GZF1: variants seen among roughly 807,000 people sequenced by gnomAD.
GZF1 encodes GDNF inducible zinc finger protein 1, also known as GDNF-inducible zinc finger protein 1.
GZF1 carries 28 observed loss-of-function variants against 49.4 expected under a neutral mutation model. The ratio of observed to expected loss-of-function variants is 0.57; its 90% confidence interval spans 0.42 to 0.78. The LOEUF (loss-of-function observed/expected upper bound fraction) is 0.78, where lower values mean the gene tolerates loss of function less well. Among genes scored for constraint, GZF1 ranks in the 30% least tolerant of loss-of-function variants. The probability of loss-of-function intolerance (pLI) is 0.00; values close to 1 mark genes in which losing one functional copy is unlikely to be tolerated. For synonymous variants in GZF1, 364 were observed against 356.0 expected, an observed-to-expected ratio of 1.02 and a Z score of -0.25; for missense variants, 798 against 916.2, an observed-to-expected ratio of 0.87 and a Z score of 1.67.
intron 1 of GZF1, chr20:23,362,834 G>C (rs1357911053): frequency 6.6e-6 from 1 of 152,318 alleles, no homozygotes; most frequent in African/African-American, 2.4e-5. Context: ...AACCCACTTT[G>C]TTGATTGAGA....
chr20:23,366,901 G>A (rs1981461029), intron 2 of GZF1, 102 bp from the exon 3 acceptor site: 2 of 769,972 alleles, frequency 2.6e-6, no homozygotes, highest in South Asian at 2.9e-5. Flanking sequence ...TTCTCATTAG[G>A]TCTCTTGGAG....
intron 1 of GZF1, chr20:23,363,279 T>G (rs982621421): frequency 3.9e-5 from 6 of 152,326 alleles, no homozygotes; most frequent in African/African-American, 1.4e-4. Context: ...AAGGAAGGCA[T>G]GTGCTTTGGA....
Position 23,365,663 on chromosome 20 carries a change from G to GCA in GZF1, c.1288_1289dup (p.Gly431ArgfsTer25). Reference sequence around the variant, plus strand: ...AAGACAGCGCTGCGGCTGCACGAGCGCACACACACGGGAGACCGGCCCTAC... The same window carrying GCA: ...AAGACAGCGCTGCGGCTGCACGAGCGCACACACACACGGGAGACCGGCCCTAC... On this transcript the variant is annotated frameshift_variant, in exon 2 of 6. Coordinates refer to ENST00000338121, the MANE Select transcript of GZF1 (RefSeq NM_022482.5). LOFTEE classifies it high-confidence loss of function. 3 of 1,599,492 alleles carry GCA rather than the reference G, an allele frequency of 1.9e-6. No homozygotes were observed. Among genetic ancestry groups the GCA allele is most frequent in the South Asian group, 1.1e-5 (1 of 90,904 alleles).
In GZF1 at chr20:23,371,415, A is replaced by C. The variant is rs567356068; in HGVS notation, c.*974A>C. On this transcript the variant is annotated 3_prime_UTR_variant, in exon 6 of 6. Transcript: ENST00000338121. ...TCTCATTTCCACACCTAGAGATGGAAACAGGCAAGTAACTGACATGTCTAT... is the reference window on the plus strand; with the variant it reads ...TCTCATTTCCACACCTAGAGATGGACACAGGCAAGTAACTGACATGTCTAT... 1 of 152,740 alleles carries C rather than the reference A, an allele frequency of 6.5e-6. No homozygotes were observed. The highest frequency in any genetic ancestry group is 2.1e-4 in the South Asian group (1 of 4,828). 9.5% of individuals were successfully genotyped at this position (152,740 alleles called of 1,614,324 possible). A position where few individuals can be genotyped will look rare whatever the true frequency, so the allele number is the denominator to read the frequency against.
chr20:23,365,353 A>G lies in GZF1; in HGVS notation c.970A>G (p.Lys324Glu), dbSNP rs780365039. 3 of 1,611,850 alleles carry G rather than the reference A, an allele frequency of 1.9e-6. No homozygotes were observed. The highest frequency in any genetic ancestry group is 2.5e-6 in the Non-Finnish European group (3 of 1,178,606). Residue 324 changes from lysine (K) to glutamate (E), a missense_variant, in exon 2 of 6, where the codon AAG becomes GAG. By Grantham distance (56) the Lys-to-Glu change is moderately conservative. Coordinates refer to ENST00000338121, the MANE Select transcript of GZF1 (RefSeq NM_022482.5). ...CAACTTTAAGTGCAGCATTTGCGAG[A>G]AGGCGTTTCTGTATGAGAAGAGCTT... is the stretch of plus-strand genomic sequence containing the variant. ...KSNFKCSICE[K>E]AFLYEKSFLK...
intron 4 of GZF1, 21 bp from the exon 5 acceptor site, chr20:23,369,563 T>G: frequency 6.3e-7 from 1 of 1,590,970 alleles, no homozygotes; most frequent in South Asian, 1.1e-5. Context: ...CCACCAGCAG[T>G]CTCCTCTCTC....
In GZF1 at chr20:23,365,047, G is replaced by A; in HGVS notation, c.664G>A (p.Ala222Thr). The A allele has an allele frequency of 6.2e-7, 1 of 1,614,114 alleles. No homozygotes were observed. The highest frequency in any genetic ancestry group is 8.5e-7 in the Non-Finnish European group (1 of 1,180,042). The change falls in exon 2 of 6, where the codon GCT becomes ACT. Residue 222 changes from alanine (A) to threonine (T), a missense_variant. Ala to Thr is a moderately conservative substitution (Grantham distance 58). Around this residue, in one of 3 missense-constraint regions of GZF1, gnomAD observed 247 missense variants for 228.5 expected, o/e 1.08. Transcript: ENST00000338121. ...ACCTCCCTACCCTAAAATCAGGAGA[G>A]CTAGTGGAAGGCTGGCTGGGAGGAA... ...VKPPYPKIRR[A>T]SGRLAGRKVF...
intron 2 of GZF1, among the ~76,000 whole-genome samples, chr20:23,366,140 A>G (rs1981352670): frequency 6.6e-6 from 1 of 152,194 alleles, no homozygotes; most frequent in African/African-American, 2.4e-5. Flanking sequence ...ATGCCATTTC[A>G]GGCTTTAGGA....
chr20:23,366,946 T>C, intron 2 of GZF1, 57 bp from the exon 3 acceptor site: 1 of 1,230,150 alleles, frequency 8.1e-7, no homozygotes, highest in African/African-American at 1.5e-5. Context: ...GGAAATTGTA[T>C]TGCAAAGTGA....
chr20:23,370,379 G>T lies in GZF1; in HGVS notation c.2074G>T (p.Glu692Ter). 1.2e-6 allele frequency: 2 copies of T among 1,613,988 alleles called. No individual in the cohort carries two copies. Among genetic ancestry groups the T allele is most frequent in the Non-Finnish European group, 1.7e-6 (2 of 1,179,902 alleles). ...LLATTISELS[E>*]LTPQTDSMPT... ...GGCCACCACCATCAGTGAGCTTAGC[G>T]AGCTGACCCCACAGACAGACTCGAT... Residue 692 changes from glutamate (E) to a stop codon, truncating the protein, a stop_gained, in exon 6 of 6, where the codon GAG becomes TAG. Coordinates refer to ENST00000338121, the MANE Select transcript of GZF1 (RefSeq NM_022482.5). LOFTEE classifies it high-confidence loss of function.
Position 23,365,305 on chromosome 20 carries a change from G to C in GZF1, c.922G>C (p.Glu308Gln). 6.2e-7 allele frequency: 1 copy of C among 1,607,468 alleles called. No homozygotes were observed. The highest frequency in any genetic ancestry group is 8.5e-7 in the Non-Finnish European group (1 of 1,175,810). The change falls in exon 2 of 6, where the codon GAA becomes CAA. Residue 308 changes from glutamate (E) to glutamine (Q), a missense_variant. Physicochemically the swap from Glu to Gln is conservative, Grantham distance 29. This residue lies in a region of GZF1 where 247 missense variants were observed against 228.5 expected (regional missense o/e 1.08). Transcript: ENST00000338121. Reference sequence around the variant, plus strand: ...GGAAGAGGAGGAGGAGGAGGAGGACGAAGAAGGGGAGAAGAAGAAGAGCAA... The same window carrying C: ...GGAAGAGGAGGAGGAGGAGGAGGACCAAGAAGGGGAGAAGAAGAAGAGCAA... Reference protein sequence around the residue: ...EEEEEEEEEDEEGEKKKSNFK... With the variant: ...EEEEEEEEEDQEGEKKKSNFK...
chr20:23,364,306 T>C (rs1382524752), intron 1 of GZF1, 57 bp from the exon 2 acceptor site: 1 of 986,994 alleles, frequency 1.0e-6, no homozygotes, highest in African/African-American at 1.6e-5. Flanking sequence ...TCCTCATAAA[T>C]TTTAGTCCTT....
Position 23,364,879 on chromosome 20 carries a change from A to C in GZF1, c.496A>C (p.Ser166Arg), listed in dbSNP as rs1210585382. 1 of 1,614,230 alleles carries C rather than the reference A, an allele frequency of 6.2e-7. No individual in the cohort carries two copies. Among genetic ancestry groups the C allele is most frequent in the East Asian group, 2.2e-5 (1 of 44,890 alleles). The change falls in exon 2 of 6, where the codon AGT (serine) becomes CGT (arginine). Residue 166 changes from serine to arginine, a missense_variant. Physicochemically the swap from Ser to Arg is moderately radical, Grantham distance 110 (BLOSUM62 -1). Coordinates refer to ENST00000338121, the MANE Select transcript of GZF1 (RefSeq NM_022482.5). Reference protein sequence around the residue: ...QVSAAPAPRASVATDGPHPSG... With the variant: ...QVSAAPAPRARVATDGPHPSG... ...TAGTGCTGCTCCTGCCCCCAGGGCA[A>C]GTGTGGCCACCGATGGCCCTCACCC...
intron 1 of GZF1, among the ~76,000 whole-genome samples, chr20:23,363,762 GCTGTGGAACTTAACA>G (rs1173233017): frequency 2.0e-5 from 3 of 152,212 alleles, no homozygotes; most frequent in African/African-American, 7.2e-5. Flanking sequence ...GCTTGTAAAA[GCTGTGGAACTTAACA>G]TTATTTCAGT....
chr20:23,367,016 G>GA lies in GZF1; in HGVS notation c.1383dup (p.Pro462ThrfsTer5). 1 of 1,611,454 alleles carries GA rather than the reference G, an allele frequency of 6.2e-7. No homozygotes were observed. Among genetic ancestry groups the GA allele is most frequent in the Non-Finnish European group, 8.5e-7 (1 of 1,178,078 alleles). On this transcript the variant is annotated frameshift_variant, in exon 3 of 6. Transcript: ENST00000338121. LOFTEE classifies it high-confidence loss of function. The stretch of plus-strand genomic sequence containing the variant: ...TTGTACTTTCAGAATTCATACAGGG[G>GA]AAAAACCTTTTGTCTGTGATGAATG...
At chr20:23,367,370 T>C (rs1003417) in intron 3 of GZF1, among the ~76,000 whole-genome samples, 4 of 151,824 alleles carry the variant, frequency 2.6e-5, no homozygotes, top group Non-Finnish European at 5.9e-5. Context: ...GTAACCGAAA[T>C]TTTTTTTTCT....
rs1405737413 is a variant in GZF1 at position 23,365,329 on chromosome 20, A to C, written c.946A>C (p.Asn316His). The change falls in exon 2 of 6, where the codon AAC becomes CAC. Residue 316 changes from asparagine to histidine, a missense_variant. Around this residue, in one of 3 missense-constraint regions of GZF1, gnomAD observed 247 missense variants for 228.5 expected, o/e 1.08. Coordinates refer to ENST00000338121, the MANE Select transcript of GZF1 (RefSeq NM_022482.5). The stretch of plus-strand genomic sequence containing the variant: ...CGAAGAAGGGGAGAAGAAGAAGAGC[A>C]ACTTTAAGTGCAGCATTTGCGAGAA... ...EDEEGEKKKSNFKCSICEKAF... is the reference protein window; with the variant it reads ...EDEEGEKKKSHFKCSICEKAF... 2 of 1,609,236 alleles carry C rather than the reference A, an allele frequency of 1.2e-6. No homozygotes were observed. Among genetic ancestry groups the C allele is most frequent in the Non-Finnish European group, 8.5e-7 (1 of 1,176,910 alleles).
In GZF1 at chr20:23,371,515, A is replaced by C. The variant is rs931209416; in HGVS notation, c.*1074A>C. On this transcript the variant is annotated 3_prime_UTR_variant, in exon 6 of 6. Coordinates refer to ENST00000338121, the MANE Select transcript of GZF1 (RefSeq NM_022482.5). Reference sequence around the variant, plus strand: ...ACACTTACCTCCGATTATGCCTTAAAGAGTTGATTGTGAAGAACCAGTAAC... The same window carrying C: ...ACACTTACCTCCGATTATGCCTTAACGAGTTGATTGTGAAGAACCAGTAAC... 4 of 152,670 alleles carry C rather than the reference A, an allele frequency of 2.6e-5. No individual in the cohort carries two copies. Among genetic ancestry groups the C allele is most frequent in the African/African-American group, 9.6e-5 (4 of 41,468 alleles). 9.5% of individuals were successfully genotyped at this position (152,670 alleles called of 1,614,324 possible).
Position 23,365,001 on chromosome 20 carries a change from C to T in GZF1, c.618C>T (p.Asp206=). 1 of 1,614,182 alleles carries T rather than the reference C, an allele frequency of 6.2e-7. No individual in the cohort carries two copies. The highest frequency in any genetic ancestry group is 1.7e-5 in the Admixed American group (1 of 60,032). Reference sequence around the variant, plus strand: ...CGAAGAAGTCCAAGGACAAACTAGACAAGAAGAAAGAGGTAGTTAAACCTC... The same window carrying T: ...CGAAGAAGTCCAAGGACAAACTAGATAAGAAGAAAGAGGTAGTTAAACCTC... The part of the protein sequence containing the change: ...LPPKKSKDKL[D]KKKEVVKPPY... The change falls in exon 2 of 6, where the codon GAC becomes GAT. Residue 206 remains aspartate (D), a synonymous_variant. Coordinates refer to ENST00000338121, the MANE Select transcript of GZF1 (RefSeq NM_022482.5).
Sources: allele counts gnomAD v4.1 joint callset (sites outside exome capture counted in the v4.1 genomes callset), GRCh38; gene constraint gnomAD v4.1.1; regional missense constraint gnomAD v4.1.1; transcripts MANE v1.5; gene names NCBI Gene and HGNC (gene_info 2026-07-23, HGNC 2026-07-21).